The following ADCY5 variants were observed in gnomAD, a reference collection of about 807,000 sequenced individuals.
ADCY5 encodes adenylate cyclase type 5.
ADCY5 carries 30 observed loss-of-function variants against 119.7 expected under a neutral mutation model. The ratio of observed to expected loss-of-function variants is 0.25; its 90% CI spans 0.19 to 0.34. The LOEUF (loss-of-function observed/expected upper bound fraction) is 0.34. ADCY5 is among the 10% of genes least tolerant of loss of function. The probability of loss-of-function intolerance (pLI) is 1.00; values close to 1 mark genes in which losing one functional copy is unlikely to be tolerated. For missense variants in ADCY5, 1,324 were observed against 1,775.2 expected (o/e 0.75, Z 4.57); for synonymous variants, 753 against 762.2 (o/e 0.99, Z 0.20).
intron 12 of ADCY5, among the ~76,000 whole-genome samples, chr3:123,308,940 G>A (rs1157755473): frequency 6.6e-6 from 1 of 152,210 alleles, no homozygotes; most frequent in Non-Finnish European, 1.5e-5. Context: ...TTTCCAGCAG[G>A]ATAACTGCCT....
chr3:123,446,429 C>T (rs1431786072), intron 1 of ADCY5, among the ~76,000 whole-genome samples: 3 of 152,156 alleles, frequency 2.0e-5, no homozygotes, highest in African/African-American at 4.8e-5. Context: ...AGTGGACTCT[C>T]ACAGTGGAGC....
At chr3:123,293,774 T>A (rs1479809298) in intron 17 of ADCY5, among the ~76,000 whole-genome samples, 1 of 152,206 alleles carries the variant, frequency 6.6e-6, no homozygotes, top group Non-Finnish European at 1.5e-5. Flanking sequence ...TACAGATGGA[T>A]ACTGAAGTAG....
chr3:123,440,049 G>A (rs1945696944), intron 1 of ADCY5, among the ~76,000 whole-genome samples: 1 of 152,250 alleles, frequency 6.6e-6, no homozygotes, highest in African/African-American at 2.4e-5. Context: ...GCTTCCTTCT[G>A]TGGAGGTGTT....
chr3:123,385,123 C>A (rs556999288), intron 1 of ADCY5, among the ~76,000 whole-genome samples: 289 of 152,228 alleles, frequency 1.9e-3, no homozygotes, highest in Middle Eastern at 3.4e-3. Flanking sequence ...AGTAAATAAA[C>A]AAGCAAGAAA....
At position 123,361,691 on chromosome 3, in the gene ADCY5, T is replaced by C. The variant is rs571053136; in HGVS notation, c.1135-9110A>G. ...TATCCGAAATGCTAGGGACCAGAAG[T>C]GTTTCATATTTTGGATTTTTTCAGA... On this transcript the variant is annotated intron_variant, in intron 1 of 20. Transcript: ENST00000462833. 1.6e-4 allele frequency among the ~76,000 whole-genome samples: 24 copies of C among 152,226 alleles called. No individual in the cohort carries two copies. The South Asian group carries it at 5.0e-3, about 32-fold the overall frequency.
rs978358462 is a variant in ADCY5, at chr3:123,303,072, T to G, written c.2707A>C (p.Asn903His). Reference protein sequence around the residue: ...EQGFCGSPWPNCNFPEYFTYS... With the variant: ...EQGFCGSPWPHCNFPEYFTYS... Reference sequence around the variant, plus strand: ...CCCAGTACCTCGGGGAAGTTGCAGTTGGGCCAGGGGCTGCCACAGAAGCCC... The same window carrying G: ...CCCAGTACCTCGGGGAAGTTGCAGTGGGGCCAGGGGCTGCCACAGAAGCCC... The change falls in exon 14 of 21, where the codon AAC becomes CAC. Residue 903 changes from asparagine (N) to histidine (H), a missense_variant. By Grantham distance (68) the Asn-to-His change is moderately conservative (BLOSUM62 1). This residue lies in a region of ADCY5 where 424 missense variants were observed against 546.8 expected (regional missense o/e 0.78). Transcript: ENST00000462833. 1 of 1,613,520 alleles carries G rather than the reference T, an allele frequency of 6.2e-7. No homozygotes were observed. Among genetic ancestry groups the G allele is most frequent in the African/African-American group, 1.3e-5 (1 of 74,926 alleles).
chr3:123,427,641 A>C (rs1168907103), intron 1 of ADCY5, among the ~76,000 whole-genome samples: 1 of 152,228 alleles, frequency 6.6e-6, no homozygotes, highest in Non-Finnish European at 1.5e-5. Context: ...CCCCAGAGTC[A>C]GGCTGCCCAG....
chr3:123,422,298 T>C (rs935027641), intron 1 of ADCY5, among the ~76,000 whole-genome samples: 1 of 152,190 alleles, frequency 6.6e-6, no homozygotes, highest in Non-Finnish European at 1.5e-5. Flanking sequence ...GTAGGCACAG[T>C]GGCCAGAGGA....
intron 1 of ADCY5, among the ~76,000 whole-genome samples, chr3:123,428,670 C>T (rs751137081): frequency 6.6e-6 from 1 of 152,198 alleles, no homozygotes; most frequent in Admixed American, 6.5e-5. Flanking sequence ...GAAAGGAGAA[C>T]CTGATAACGT....
chr3:123,350,453 C>T (rs908529993), intron 2 of ADCY5, among the ~76,000 whole-genome samples: 3 of 152,230 alleles, frequency 2.0e-5, no homozygotes, highest in Non-Finnish European at 4.4e-5. Context: ...AATTAAAAGA[C>T]AGTGTGGGAT....
intron 10 of ADCY5, 55 bp downstream of exon 10, chr3:123,319,619 C>T: frequency 6.3e-7 from 1 of 1,595,790 alleles, no homozygotes; most frequent in Non-Finnish European, 8.6e-7. Flanking sequence ...TCTTGCCCTC[C>T]TCCTCCTGGT....
chr3:123,440,307 C>T (rs1397800401), intron 1 of ADCY5, among the ~76,000 whole-genome samples: 1 of 152,168 alleles, frequency 6.6e-6, no homozygotes, highest in Admixed American at 6.5e-5. Flanking sequence ...AGTGTGAGGT[C>T]AGGAGGCCAC....
rs114997411 is a variant in ADCY5 at position 123,381,794 on chromosome 3, A to G, written c.1135-29213T>C. ...ACATCTCAGACCTTTCCTCAGCGTC[A>G]GCTCTCACCTGGGCACCTGACTGCT... On this transcript the variant is annotated intron_variant, in intron 1 of 20. Transcript: ENST00000462833. 8.6e-3 allele frequency among the ~76,000 whole-genome samples: 1,306 copies of G among 152,270 alleles called. 21 individuals are homozygous for G. Among genetic ancestry groups the G allele is most frequent in the African/African-American group, 0.029 (1,199 of 41,520 alleles).
chr3:123,392,117 TA>T (rs1944416072), intron 1 of ADCY5, among the ~76,000 whole-genome samples: 1 of 152,242 alleles, frequency 6.6e-6, no homozygotes, highest in Non-Finnish European at 1.5e-5. Flanking sequence ...AAAAATCCAC[TA>T]CTGTTGTGGC....
chr3:123,328,890 A>C (rs746058964), intron 5 of ADCY5, 88 bp from the exon 6 acceptor site: 1 of 1,367,976 alleles, frequency 7.3e-7, no homozygotes, highest in African/African-American at 1.4e-5. Flanking sequence ...GGGAAGGTGA[A>C]GGTGCGGGGG....
intron 17 of ADCY5, among the ~76,000 whole-genome samples, chr3:123,295,849 A>G (rs1423677604): frequency 6.6e-6 from 1 of 152,246 alleles, no homozygotes; most frequent in Non-Finnish European, 1.5e-5. Context: ...CAGCACTGTC[A>G]GCATGGGTTT....
At chr3:123,293,763 G>A (rs9820168) in intron 17 of ADCY5, among the ~76,000 whole-genome samples, 151,178 of 152,306 alleles carry the variant, frequency 0.99, 75,038 homozygotes, top group East Asian at 1. Context: ...AAACAGATCT[G>A]TACAGATGGA....
At chr3:123,335,602 T>TG (rs1941981403) in intron 3 of ADCY5, among the ~76,000 whole-genome samples, 1 of 152,062 alleles carries the variant, frequency 6.6e-6, no homozygotes, top group African/African-American at 2.4e-5. Context: ...ACCCTGGCAC[T>TG]GTGAGGGAGG....
At chr3:123,381,558 G>C (rs1244669699) in intron 1 of ADCY5, among the ~76,000 whole-genome samples, 1 of 152,228 alleles carries the variant, frequency 6.6e-6, no homozygotes, top group Non-Finnish European at 1.5e-5. Flanking sequence ...ATGCATGTGT[G>C]ATCTGTGCAG....
Sources: gnomAD v4.1 joint callset for allele counts (sites outside exome capture counted in the v4.1 genomes callset) on GRCh38, gnomAD v4.1.1 for gene constraint, gnomAD v4.1.1 regional missense constraint, MANE v1.5 for transcripts, NCBI Gene and HGNC (gene_info 2026-07-23, HGNC 2026-07-21) for gene names.